The following RORB variants were observed in gnomAD, a reference collection of about 807,000 sequenced individuals.
RORB encodes nuclear receptor ROR-beta.
In RORB, 6 loss-of-function variants were observed where a neutral mutation model predicts 59.1. The ratio of observed to expected loss-of-function variants is 0.10; its 90% CI spans 0.06 to 0.20. The LOEUF is 0.20. Among genes scored for constraint, RORB ranks in the 10% least tolerant of loss-of-function variants. The pLI, the probability that RORB is intolerant of heterozygous loss-of-function variation, is 1.00. For synonymous variants in RORB, 215 were observed against 204.5 expected, an observed-to-expected ratio of 1.05 and a Z score of -0.44; for missense variants, 320 against 560.5, an observed-to-expected ratio of 0.57 and a Z score of 4.33.
At chr9:74,518,720 T>C (rs1352820975) in intron 1 of RORB, among the ~76,000 whole-genome samples, 2 of 152,000 alleles carry the variant, frequency 1.3e-5, no homozygotes, top group African/African-American at 4.8e-5. Context: ...ATTTTAGTTT[T>C]TGAGGGAACA....
intron 1 of RORB, among the ~76,000 whole-genome samples, chr9:74,501,559 C>G (rs1165673790): frequency 6.6e-6 from 1 of 152,172 alleles, no homozygotes; most frequent in Non-Finnish European, 1.5e-5. Context: ...AGTAAGCTGT[C>G]TTCATTCCAA....
intron 1 of RORB, among the ~76,000 whole-genome samples, chr9:74,595,560 A>G (rs192974992): frequency 3.0e-4 from 46 of 152,326 alleles, no homozygotes; most frequent in African/African-American, 1.1e-3. Context: ...TGAGGTGGAG[A>G]GAGCACAGTG....
At chr9:74,557,722 T>A (rs1011810479) in intron 1 of RORB, among the ~76,000 whole-genome samples, 2 of 152,030 alleles carry the variant, frequency 1.3e-5, no homozygotes, top group African/African-American at 4.8e-5. Context: ...CTTTATAATA[T>A]CCCTCGCAAC....
chr9:74,572,535 G>A (rs1822568782), intron 1 of RORB, among the ~76,000 whole-genome samples: 1 of 152,130 alleles, frequency 6.6e-6, no homozygotes, highest in African/African-American at 2.4e-5. Flanking sequence ...GACAATTGAT[G>A]AGGTGATGTT....
At chr9:74,515,846 G>A (rs1826002043) in intron 1 of RORB, among the ~76,000 whole-genome samples, 1 of 152,084 alleles carries the variant, frequency 6.6e-6, no homozygotes, top group Non-Finnish European at 1.5e-5. Context: ...GAAGTCACTT[G>A]AGCCAAGCTT....
At chr9:74,647,140 A>C (rs1358644109) in intron 4 of RORB, among the ~76,000 whole-genome samples, 1 of 152,202 alleles carries the variant, frequency 6.6e-6, no homozygotes, top group Admixed American at 6.5e-5. Context: ...TTTAGCTGGA[A>C]TTTTACTTCA....
chr9:74,574,639 T>C (rs912656620), intron 1 of RORB, among the ~76,000 whole-genome samples: 3 of 152,106 alleles, frequency 2.0e-5, no homozygotes, highest in Non-Finnish European at 2.9e-5. Context: ...AGAGTCAGAA[T>C]TGGGCACAGA....
intron 1 of RORB, among the ~76,000 whole-genome samples, chr9:74,593,280 AAC>A (rs1484461810): frequency 6.6e-6 from 1 of 152,108 alleles, no homozygotes; most frequent in Non-Finnish European, 1.5e-5. Flanking sequence ...CATCCTGACC[AAC>A]ATGGTGAAAC....
chr9:74,624,965 T>C (rs78590168), intron 1 of RORB, among the ~76,000 whole-genome samples: 201 of 152,224 alleles, frequency 1.3e-3, no homozygotes, highest in African/African-American at 4.3e-3. Flanking sequence ...TCCTAGAATG[T>C]AGTCTGTGTC....
intron 1 of RORB, among the ~76,000 whole-genome samples, chr9:74,542,288 A>C (rs931606339): frequency 6.6e-6 from 1 of 152,222 alleles, no homozygotes; most frequent in African/African-American, 2.4e-5. Flanking sequence ...TCAAGAAATA[A>C]AAAGTGATAC....
chr9:74,535,538 GC>G (rs201354814), intron 1 of RORB, among the ~76,000 whole-genome samples: 1 of 151,124 alleles, frequency 6.6e-6, no homozygotes, highest in African/African-American at 2.4e-5. Context: ...AATCAATACC[GC>G]CCCCCCACCC....
chr9:74,515,254 GT>G (rs1825992331), intron 1 of RORB, among the ~76,000 whole-genome samples: 1 of 151,588 alleles, frequency 6.6e-6, no homozygotes, highest in Non-Finnish European at 1.5e-5. Flanking sequence ...ATTAAGCAGT[GT>G]TTATTATTAG....
At chr9:74,658,845 G>C (rs1343619273) in intron 4 of RORB, among the ~76,000 whole-genome samples, 3 of 152,122 alleles carry the variant, frequency 2.0e-5, no homozygotes, top group Non-Finnish European at 4.4e-5. Flanking sequence ...TTGAATATAG[G>C]ATTTTTTAAA....
intron 4 of RORB, among the ~76,000 whole-genome samples, chr9:74,644,621 G>A (rs1048634935): frequency 5.3e-5 from 8 of 152,058 alleles, no homozygotes; most frequent in African/African-American, 7.2e-5. Context: ...TAATAGGGAC[G>A]GTCATTTAAA....
chr9:74,573,962 G>T (rs945583661), intron 1 of RORB, among the ~76,000 whole-genome samples: 3 of 152,086 alleles, frequency 2.0e-5, no homozygotes. Flanking sequence ...TTTCAGTAAG[G>T]CTAGAGGCAC....
chr9:74,640,536 G>A (rs1298497104), intron 3 of RORB, among the ~76,000 whole-genome samples: 2 of 151,984 alleles, frequency 1.3e-5, no homozygotes, highest in Non-Finnish European at 2.9e-5. Context: ...GCCCGCCTTG[G>A]CCTCCCAAAG....
Position 74,498,177 on chromosome 9 carries a change from G to A in RORB, c.7+194G>A, listed in dbSNP as rs376685962. ...TGCGGGAAGGTGTTGATGTCTTTCG[G>A]GAGTTCTGGAGGGACGCGGGAGGGC... is the stretch of plus-strand genomic sequence containing the variant. On this transcript the variant is annotated intron_variant, in intron 1 of 9. Transcript: ENST00000376896. The A allele has an allele frequency of 5.4e-5, 35 of 645,818 alleles. No individual in the cohort carries two copies. In the East Asian group the frequency reaches 5.8e-4, roughly 11 times the overall value. The allele number at this position is 645,818 out of a possible 1,614,324, so 40.0% of individuals were successfully genotyped here.
At chr9:74,606,531 T>A (rs532551033) in intron 1 of RORB, among the ~76,000 whole-genome samples, 2 of 152,350 alleles carry the variant, frequency 1.3e-5, no homozygotes, top group South Asian at 4.1e-4. Flanking sequence ...GTAAGATACT[T>A]CAGGGACAAA....
chr9:74,605,561 C>T (rs1479246536), intron 1 of RORB, among the ~76,000 whole-genome samples: 3 of 152,162 alleles, frequency 2.0e-5, no homozygotes, highest in Non-Finnish European at 2.9e-5. Flanking sequence ...TTCTGTAATA[C>T]GTAGTCTGTC....
Sources: gnomAD v4.1 joint callset for allele counts (sites outside exome capture counted in the v4.1 genomes callset) on GRCh38, gnomAD v4.1.1 for gene constraint, MANE v1.5 for transcripts, NCBI Gene and HGNC (gene_info 2026-07-23, HGNC 2026-07-21) for gene names.